Variants in STUM observed in about 807,000 individuals in gnomAD.
The protein encoded by STUM is stum, mechanosensory transduction mediator homolog.
A neutral mutation model predicts 15.3 loss-of-function variants in STUM; 8 were observed. That is an observed-to-expected ratio of 0.52 (90% CI 0.31 to 0.94). The LOEUF (loss-of-function observed/expected upper bound fraction) is 0.94, where lower values mean the gene tolerates loss of function less well. Ranked by LOEUF, STUM falls within the 40% of genes least tolerant of loss-of-function variation. The pLI, the probability that STUM is intolerant of heterozygous loss-of-function variation, is 0.05. For synonymous variants in STUM, 78 were observed against 88.7 expected, an observed-to-expected ratio of 0.88 and a Z score of 0.68; for missense variants, 142 against 204.9, an observed-to-expected ratio of 0.69 and a Z score of 1.87.
At chr1:226,594,836 A>G (rs564604679) in intron 1 of STUM, among the ~76,000 whole-genome samples, 209 of 152,182 alleles carry the variant, frequency 1.4e-3, no homozygotes, top group Non-Finnish European at 2.5e-3. Flanking sequence ...TGTATTTTTT[A>G]GTAGAGACAG....
intron 1 of STUM, among the ~76,000 whole-genome samples, chr1:226,568,925 G>A (rs893701673): frequency 8.3e-6 from 1 of 120,132 alleles, no homozygotes. Context: ...AGGAGGTGGG[G>A]TGGCAGACAG....
At chr1:226,563,954 T>C (rs1667581111) in intron 1 of STUM, among the ~76,000 whole-genome samples, 1 of 152,146 alleles carries the variant, frequency 6.6e-6, no homozygotes, top group Admixed American at 6.6e-5. Context: ...GGTGGTGAGC[T>C]CTGATGCACC....
In STUM at chr1:226,604,299, C is replaced by T. The variant is rs1221172765; in HGVS notation, c.*2259C>T. ...GAGTGGCAGGTGTCACCCTGGGTCC[C>T]GTGTGGGATGGTTTAATACAGGGGT... On this transcript the variant is annotated 3_prime_UTR_variant, in exon 4 of 4. Transcript: ENST00000366788. This position sits in a 1 kb window ranked among gnomAD's most constrained non-coding sequence, Gnocchi z 4.7. 2 of 152,044 alleles carry T rather than the reference C, an allele frequency of 1.3e-5. No homozygotes were observed. Among genetic ancestry groups the T allele is most frequent in the Non-Finnish European group, 2.9e-5 (2 of 68,052 alleles). 9.4% of individuals were successfully genotyped at this position (152,044 alleles called of 1,614,324 possible).
chr1:226,593,303 G>T (rs1480611020), intron 1 of STUM, among the ~76,000 whole-genome samples: 3 of 152,062 alleles, frequency 2.0e-5, no homozygotes, highest in Non-Finnish European at 1.5e-5. Context: ...TGCAGGTTGG[G>T]GGCAAACTCT....
At chr1:226,569,519 T>TG (rs1236610291) in intron 1 of STUM, among the ~76,000 whole-genome samples, 1 of 152,162 alleles carries the variant, frequency 6.6e-6, no homozygotes, top group Admixed American at 6.5e-5. Flanking sequence ...ATGGCTGATG[T>TG]GCGGTCCCAC....
At chr1:226,593,595 C>T (rs1668124550) in intron 1 of STUM, among the ~76,000 whole-genome samples, 1 of 152,160 alleles carries the variant, frequency 6.6e-6, no homozygotes, top group South Asian at 2.1e-4. Context: ...TCTACAGAGA[C>T]TCCAGAGTTG....
intron 1 of STUM, among the ~76,000 whole-genome samples, chr1:226,585,037 G>A (rs566281834): frequency 6.6e-6 from 1 of 152,092 alleles, no homozygotes; most frequent in Middle Eastern, 3.2e-3. Flanking sequence ...AAGCTCACTC[G>A]AAGCACTTGC....
intron 1 of STUM, among the ~76,000 whole-genome samples, chr1:226,570,068 C>T (rs372507520): frequency 2.6e-5 from 4 of 152,314 alleles, no homozygotes; most frequent in African/African-American, 9.6e-5. Flanking sequence ...CCCGCCCCTC[C>T]CTGGAGGCCC....
chr1:226,550,372 C>T (rs961454973), intron 1 of STUM, among the ~76,000 whole-genome samples: 4 of 152,142 alleles, frequency 2.6e-5, no homozygotes, highest in African/African-American at 9.7e-5. Context: ...AGTTAGGTGG[C>T]CTTTAGTTGG....
At chr1:226,558,608 T>C (rs1018226817) in intron 1 of STUM, among the ~76,000 whole-genome samples, 4 of 152,128 alleles carry the variant, frequency 2.6e-5, no homozygotes, top group African/African-American at 9.7e-5. Flanking sequence ...GAGGGATGCG[T>C]CTCTGAGGCT....
chr1:226,593,030 A>G (rs185216947), intron 1 of STUM, among the ~76,000 whole-genome samples: 14 of 152,328 alleles, frequency 9.2e-5, no homozygotes, highest in South Asian at 8.3e-4. Flanking sequence ...GACTAAAAAT[A>G]CAAAAATTAG....
intron 1 of STUM, among the ~76,000 whole-genome samples, chr1:226,594,545 G>A (rs987094139): frequency 2.6e-5 from 4 of 152,228 alleles, no homozygotes; most frequent in African/African-American, 9.6e-5. Context: ...TCTGACTCTG[G>A]TGGGTTCAAT....
chr1:226,563,728 A>G (rs1667576717), intron 1 of STUM, among the ~76,000 whole-genome samples: 1 of 152,246 alleles, frequency 6.6e-6, no homozygotes. Flanking sequence ...ATGGACCTCA[A>G]AGAAACACCT....
rs1304836295 is a variant in STUM at position 226,549,902 on chromosome 1, A to G, written c.202+796A>G. Among the ~76,000 whole-genome samples, 2 of 152,076 alleles carry G rather than the reference A, an allele frequency of 1.3e-5. No homozygotes were observed. The highest frequency in any genetic ancestry group is 2.4e-5 in the African/African-American group (1 of 41,408). On this transcript the variant is annotated intron_variant, in intron 1 of 3. Coordinates refer to ENST00000366788, the MANE Select transcript of STUM (RefSeq NM_001003665.4). The surrounding 1 kb of genome is among the most constrained non-coding windows in gnomAD (Gnocchi z 6.8). ...GTTTTAAAGCAGAGGCCCCTTACAG[A>G]GATGGTGCAGGAGGGTGAATGGAGG...
intron 1 of STUM, among the ~76,000 whole-genome samples, chr1:226,589,472 T>C (rs1427338394): frequency 1.3e-5 from 2 of 152,180 alleles, no homozygotes; most frequent in African/African-American, 4.8e-5. Context: ...TTGGGGAAGC[T>C]GAGAGTACAG....
At chr1:226,582,454 G>A (rs1667934028) in intron 1 of STUM, among the ~76,000 whole-genome samples, 1 of 152,100 alleles carries the variant, frequency 6.6e-6, no homozygotes, top group Non-Finnish European at 1.5e-5. Flanking sequence ...AATTAGCTGG[G>A]TGTGGTGGCG....
In STUM at chr1:226,600,539, A is replaced by AT; in HGVS notation, c.383-127_383-126insT. 8.6e-7 allele frequency: 1 copy of AT among 1,156,688 alleles called. No individual in the cohort carries two copies. The highest frequency in any genetic ancestry group is 1.3e-6 in the Non-Finnish European group (1 of 782,498). The allele number at this position is 1,156,688 out of a possible 1,614,324, so 71.7% of individuals were successfully genotyped here. A position where few individuals can be genotyped will look rare whatever the true frequency, so the allele number is the denominator to read the frequency against. On this transcript the variant is annotated intron_variant, in intron 2 of 3. Coordinates refer to ENST00000366788, the MANE Select transcript of STUM (RefSeq NM_001003665.4). This position sits in a 1 kb window ranked among gnomAD's most constrained non-coding sequence, Gnocchi z 5.2. ...TGGCATGGCCCCTGTCCCATCTCCC[A>AT]GGCCTCACCATGGATCTGCTTTGTT...
intron 1 of STUM, among the ~76,000 whole-genome samples, chr1:226,588,232 C>T (rs1020988915): frequency 3.5e-4 from 53 of 152,302 alleles, no homozygotes; most frequent in African/African-American, 1.2e-3. Context: ...GGGAATGACT[C>T]GGTGCAGTTC....
At chr1:226,554,245 G>A (rs1216282278) in intron 1 of STUM, among the ~76,000 whole-genome samples, 1 of 152,246 alleles carries the variant, frequency 6.6e-6, no homozygotes. Context: ...CAGCACATCA[G>A]AAGCAGGCCA....
Sources: allele counts gnomAD v4.1 joint callset (sites outside exome capture counted in the v4.1 genomes callset), GRCh38; gene constraint gnomAD v4.1.1; non-coding constraint Gnocchi (gnomAD v3.1); transcripts MANE v1.5; gene names NCBI Gene and HGNC (gene_info 2026-07-23, HGNC 2026-07-21).